The following DOCK10 variants were observed in gnomAD, a reference collection of about 807,000 sequenced individuals.
The protein encoded by DOCK10 is dedicator of cytokinesis 10.
DOCK10 carries 145 observed loss-of-function variants against 280.1 expected under a neutral mutation model. That is an observed-to-expected ratio of 0.52 (90% CI 0.45 to 0.59). The LOEUF (loss-of-function observed/expected upper bound fraction) is 0.59. DOCK10 is among the 20% of genes least tolerant of loss of function. The pLI is 0.00. For synonymous variants in DOCK10, 915 were observed against 942.2 expected (o/e 0.97, Z 0.53); for missense variants, 2,368 against 2,651.7 (o/e 0.89, Z 2.35).
Position 224,916,735 on chromosome 2 carries a change from T to C in DOCK10, c.293A>G (p.Glu98Gly), listed in dbSNP as rs754560775. ...DIRTLYSTVP[E>G]DAEHKAENLL... ...ATTTTCTGCCTTGTGCTCTGCATCT[T>C]CAGGTACTGTTGAGTACAACGTGCG... The change falls in exon 3 of 56, where the codon GAA becomes GGA. Residue 98 changes from glutamate to glycine, a missense_variant. This residue lies in a region of DOCK10 where 1,209 missense variants were observed against 1,250.9 expected (regional missense o/e 0.97). Transcript: ENST00000258390. 2.5e-6 allele frequency: 4 copies of C among 1,611,640 alleles called. No individual in the cohort carries two copies. The highest frequency in any genetic ancestry group is 3.4e-6 in the Non-Finnish European group (4 of 1,178,870).
chr2:224,959,729 A>G (rs1375189332), intron 1 of DOCK10, among the ~76,000 whole-genome samples: 2 of 152,236 alleles, frequency 1.3e-5, no homozygotes, highest in Non-Finnish European at 2.9e-5. Flanking sequence ...ATATTCAGTT[A>G]TGTATTTTTA....
chr2:224,931,750 T>C (rs1702393848), intron 1 of DOCK10, 82 bp from the exon 2 acceptor site: 7 of 1,405,596 alleles, frequency 5.0e-6, no homozygotes, highest in Non-Finnish European at 6.6e-6. Flanking sequence ...CATCTCTTAG[T>C]TATCATTGAG....
At chr2:224,794,391 C>T (rs747410743) in intron 45 of DOCK10, among the ~76,000 whole-genome samples, 8 of 152,220 alleles carry the variant, frequency 5.3e-5, no homozygotes, top group Non-Finnish European at 1.0e-4. Flanking sequence ...TTATAATCCT[C>T]GTGCAGTGGA....
At chr2:224,854,017 T>G (rs1282863687) in intron 16 of DOCK10, among the ~76,000 whole-genome samples, 1 of 152,220 alleles carries the variant, frequency 6.6e-6, no homozygotes, top group African/African-American at 2.4e-5. Context: ...AGGAAATGAC[T>G]TGGTTTATCC....
Position 224,876,221 on chromosome 2 carries a change from T to C in DOCK10, c.748A>G (p.Asn250Asp). ...FLDSCTGVVQ[N>D]NRLRKYAFEL... ...AAGGCATATTTTCTTAGTCTGTTAT[T>C]CTGTGGTATAAAAAGAAAGAAAGAA... Residue 250 changes from asparagine (N) to aspartate (D), a missense_variant and splice_region_variant, in exon 8 of 56, where the codon AAT becomes GAT. By Grantham distance (23) the Asn-to-Asp change is conservative. Coordinates refer to ENST00000258390, the MANE Select transcript of DOCK10 (RefSeq NM_014689.3). 1 of 1,600,514 alleles carries C rather than the reference T, an allele frequency of 6.2e-7. No homozygotes were observed. Among genetic ancestry groups the C allele is most frequent in the Non-Finnish European group, 8.5e-7 (1 of 1,172,722 alleles).
At chr2:224,946,624 T>C (rs1277017056) in intron 1 of DOCK10, among the ~76,000 whole-genome samples, 1 of 152,192 alleles carries the variant, frequency 6.6e-6, no homozygotes, top group African/African-American at 2.4e-5. Context: ...TTAAATTCTC[T>C]ATTAATATAT....
intron 11 of DOCK10, among the ~76,000 whole-genome samples, chr2:224,868,704 G>T (rs1044641493): frequency 8.6e-5 from 13 of 151,972 alleles, no homozygotes; most frequent in African/African-American, 2.4e-4. Flanking sequence ...TTGCATATAA[G>T]ATAAATTCAA....
intron 1 of DOCK10, among the ~76,000 whole-genome samples, chr2:224,955,507 C>T (rs1485940004): frequency 6.6e-6 from 1 of 152,230 alleles, no homozygotes; most frequent in Admixed American, 6.5e-5. Flanking sequence ...AGCCTAGGTA[C>T]AATCCCTGTA....
chr2:224,968,871 C>T (rs913271792), intron 1 of DOCK10, among the ~76,000 whole-genome samples: 5 of 152,192 alleles, frequency 3.3e-5, no homozygotes, highest in Non-Finnish European at 7.3e-5. Context: ...AAGGTGTGAA[C>T]GTCTCTTTAA....
rs561579898 is a variant in DOCK10, at chr2:224,791,553, C to T, written c.5311+1421G>A. Among the ~76,000 whole-genome samples the T allele has an allele frequency of 2.0e-5, 3 of 152,032 alleles. No individual in the cohort carries two copies. In the East Asian group the frequency reaches 5.8e-4, roughly 29 times the overall value. On this transcript the variant is annotated intron_variant, in intron 47 of 55. Coordinates refer to ENST00000258390, the MANE Select transcript of DOCK10 (RefSeq NM_014689.3). ...GATCTCAGCTCGCTGCAACCTCCAC[C>T]TCCTGGGTTCAAGCAATTCTCTGCC...
intron 25 of DOCK10, among the ~76,000 whole-genome samples, chr2:224,835,440 T>C (rs1026644662): frequency 3.3e-5 from 5 of 152,246 alleles, no homozygotes; most frequent in African/African-American, 1.2e-4. Flanking sequence ...ACGGTGTATG[T>C]GTGCATTTTG....
intron 14 of DOCK10, among the ~76,000 whole-genome samples, chr2:224,857,755 GA>G (rs1344698474): frequency 4.0e-5 from 6 of 151,400 alleles, no homozygotes; most frequent in African/African-American, 9.7e-5. Context: ...AAAAAAAATA[GA>G]ATTTTTTTTT....
At chr2:224,793,508 T>C in intron 45 of DOCK10, 51 bp from the exon 46 acceptor site, 2 of 1,446,266 alleles carry the variant, frequency 1.4e-6, no homozygotes, top group South Asian at 2.3e-5. Context: ...TTTAATATAA[T>C]TAGGGCTAAT....
chr2:225,004,556 C>T (rs1275821746), intron 1 of DOCK10, among the ~76,000 whole-genome samples: 1 of 152,226 alleles, frequency 6.6e-6, no homozygotes, highest in Non-Finnish European at 1.5e-5. Flanking sequence ...AGTTGAGAAA[C>T]TGGAAGCTCA....
intron 1 of DOCK10, among the ~76,000 whole-genome samples, chr2:224,949,538 T>C (rs1347326332): frequency 1.3e-5 from 2 of 152,238 alleles, no homozygotes; most frequent in African/African-American, 2.4e-5. Flanking sequence ...GGAAGCTTTA[T>C]AGAAAAGATA....
intron 40 of DOCK10, 39 bp from the exon 41 acceptor site, chr2:224,800,302 A>G: frequency 7.6e-7 from 1 of 1,315,258 alleles, no homozygotes; most frequent in Non-Finnish European, 1.1e-6. Flanking sequence ...AAAGTCTAAG[A>G]CAATGCTTTG....
At chr2:224,835,228 C>T (rs772550821) in intron 25 of DOCK10, among the ~76,000 whole-genome samples, 5 of 152,228 alleles carry the variant, frequency 3.3e-5, no homozygotes, top group Non-Finnish European at 5.9e-5. Flanking sequence ...ATTTTTCCCT[C>T]TCATGGGTTA....
chr2:224,961,437 T>TCTTTCTTC (rs1704415082), intron 1 of DOCK10, among the ~76,000 whole-genome samples: 1 of 129,566 alleles, frequency 7.7e-6, no homozygotes, highest in African/African-American at 2.8e-5. Context: ...TTTCTTTCTT[T>TCTTTCTTC]CTTTCTTTCT....
At chr2:224,780,890 ACT>A (rs957881329) in intron 50 of DOCK10, among the ~76,000 whole-genome samples, 4 of 137,486 alleles carry the variant, frequency 2.9e-5, no homozygotes, top group African/African-American at 8.3e-5. Flanking sequence ...ACACAGTGAG[ACT>A]CTGTCTAAAA....
Sources: gnomAD v4.1 joint callset for allele counts (sites outside exome capture counted in the v4.1 genomes callset) on GRCh38, gnomAD v4.1.1 for gene constraint, gnomAD v4.1.1 regional missense constraint, MANE v1.5 for transcripts, NCBI Gene and HGNC (gene_info 2026-07-23, HGNC 2026-07-21) for gene names.